CABP4: variants seen among roughly 807,000 people sequenced by gnomAD.
CABP4 encodes calcium-binding protein 4.
Under a neutral mutation model 30.7 loss-of-function variants are expected in CABP4, and 30 were observed. That is an observed-to-expected ratio of 0.98 (90% CI 0.73 to 1.33). The LOEUF is 1.33. Ranked by LOEUF, CABP4 falls within the 40% of genes most tolerant of loss-of-function variation. The pLI is 0.00. For missense variants in CABP4, 424 were observed against 395.5 expected (o/e 1.07, Z -0.61); for synonymous variants, 161 against 159.2 (o/e 1.01, Z -0.08).
chr11:67,456,811 C>T (rs550919644), intron 3 of CABP4, among the ~76,000 whole-genome samples: 1 of 152,356 alleles, frequency 6.6e-6, no homozygotes, highest in South Asian at 2.1e-4. Flanking sequence ...GGCACCTTCT[C>T]TCTTTCTCTC....
chr11:67,457,715 C>A, intron 4 of CABP4, 33 bp downstream of exon 4: 1 of 1,520,612 alleles, frequency 6.6e-7, no homozygotes, highest in Non-Finnish European at 8.9e-7. Flanking sequence ...CAGAGGGGGG[C>A]AGGGCTGGGT....
Position 67,458,834 on chromosome 11 carries a change from C to G in CABP4, c.*175C>G, listed in dbSNP as rs1265404246. 53 of 739,042 alleles carry G rather than the reference C, an allele frequency of 7.2e-5. No homozygotes were observed. Among genetic ancestry groups the G allele is most frequent in the Non-Finnish European group, 1.9e-5 (8 of 430,790 alleles). The allele number at this position is 739,042 out of a possible 1,614,324, so 45.8% of individuals were successfully genotyped here. A position where few individuals can be genotyped will look rare whatever the true frequency, so the allele number is the denominator to read the frequency against. Reference sequence around the variant, plus strand: ...TGGCTTGTTATGTTACCTGCCCACCCTCATCCTTACCTCCTCCTACTCAAG... The same window carrying G: ...TGGCTTGTTATGTTACCTGCCCACCGTCATCCTTACCTCCTCCTACTCAAG... On this transcript the variant is annotated 3_prime_UTR_variant, in exon 6 of 6. Coordinates refer to ENST00000325656, the MANE Select transcript of CABP4 (RefSeq NM_145200.5).
chr11:67,455,416 C>T lies in CABP4; in HGVS notation c.-8C>T, dbSNP rs752499425. ...TGTGGTGTCTCTGAGCCCTGTTATC[C>T]CTCCCCCATGACCACAGAGCAGGCA... is the stretch of plus-strand genomic sequence containing the variant. On this transcript the variant is annotated 5_prime_UTR_variant, in exon 1 of 6. Transcript: ENST00000325656. 4 of 1,604,068 alleles carry T rather than the reference C, an allele frequency of 2.5e-6. No homozygotes were observed. In the East Asian group the frequency reaches 6.7e-5, roughly 27 times the overall value.
chr11:67,455,986 T>G (rs536403144), intron 1 of CABP4, 197 bp downstream of exon 1: 5 of 1,185,350 alleles, frequency 4.2e-6, no homozygotes, highest in Middle Eastern at 2.8e-4. Flanking sequence ...GAGCCAGAAT[T>G]CACACCAGGG....
In CABP4 at chr11:67,459,074, A is replaced by G. The variant is rs1366507080; in HGVS notation, c.*415A>G. On this transcript the variant is annotated 3_prime_UTR_variant, in exon 6 of 6. Coordinates refer to ENST00000325656, the MANE Select transcript of CABP4 (RefSeq NM_145200.5). ...TTTTTAATGAACTTGAGCCGGGTGC[A>G]GTGGCTCACACCTGTAAGCCCAGCT... 4.0e-6 allele frequency: 1 copy of G among 250,574 alleles called. No homozygotes were observed. The highest frequency in any genetic ancestry group is 7.9e-6 in the Non-Finnish European group (1 of 126,486). 15.5% of individuals were successfully genotyped at this position (250,574 alleles called of 1,614,324 possible). A position where few individuals can be genotyped will look rare whatever the true frequency, so the allele number is the denominator to read the frequency against.
Position 67,455,559 on chromosome 11 carries a change from AGG to A in CABP4, c.140_141del (p.Gly47AlafsTer25). The A allele has an allele frequency of 1.2e-6, 2 of 1,602,506 alleles. No homozygotes were observed. The highest frequency in any genetic ancestry group is 1.7e-6 in the Non-Finnish European group (2 of 1,175,882). On this transcript the variant is annotated frameshift_variant, in exon 1 of 6. Coordinates refer to ENST00000325656, the MANE Select transcript of CABP4 (RefSeq NM_145200.5). LOFTEE classifies it high-confidence loss of function. ...PLTRKRSKKERGLRGSRKRTG... is the reference protein window; with the variant it reads ...PLTRKRSKKEXGLRGSRKRTG... ...GACCAGGAAGAGGAGCAAGAAGGAG[AGG>A]GGGCTCCGAGGGTCTCGAAAGCGCA...
In CABP4 at chr11:67,458,801, C is replaced by T; in HGVS notation, c.*142C>T. On this transcript the variant is annotated 3_prime_UTR_variant, in exon 6 of 6. Coordinates refer to ENST00000325656, the MANE Select transcript of CABP4 (RefSeq NM_145200.5). The stretch of plus-strand genomic sequence containing the variant: ...ACTTCTATCCCTGAAAACACCTGGC[C>T]TCAATGTTGGCTTGTTATGTTACCT... The T allele has an allele frequency of 9.9e-7, 1 of 1,010,074 alleles. No individual in the cohort carries two copies. The highest frequency in any genetic ancestry group is 1.5e-6 in the Non-Finnish European group (1 of 664,006). The allele number at this position is 1,010,074 out of a possible 1,614,324, so 62.6% of individuals were successfully genotyped here.
At chr11:67,452,451 G>A (rs777354030), upstream of CABP4, 34 of 1,612,148 alleles carry the variant, frequency 2.1e-5, no homozygotes, top group South Asian at 6.6e-5. Flanking sequence ...CCCCCATGCC[G>A]GATCTCTAGG....
chr11:67,458,110 T>C (rs1224051524), intron 4 of CABP4, among the ~76,000 whole-genome samples: 1 of 151,938 alleles, frequency 6.6e-6, no homozygotes, highest in Admixed American at 6.6e-5. Flanking sequence ...AATACAAAAA[T>C]TAGCCAAGGG....
chr11:67,454,924 C>T (rs954206604), upstream of CABP4, among the ~76,000 whole-genome samples: 3 of 152,208 alleles, frequency 2.0e-5, no homozygotes, highest in Non-Finnish European at 4.4e-5. Context: ...GGGGGGGCCC[C>T]AGTAGGCCAC....
chr11:67,456,288 C>T lies in CABP4; in HGVS notation c.398-11C>T, dbSNP rs953491882. ...GCCTGGCCACCTGGGCTTGACCTCC[C>T]TCCTCCACAGAGCTTCAGGCCGCCT... On this transcript the variant is annotated splice_polypyrimidine_tract_variant and intron_variant, in intron 2 of 5. Coordinates refer to ENST00000325656, the MANE Select transcript of CABP4 (RefSeq NM_145200.5). 9.3e-6 allele frequency: 15 copies of T among 1,613,828 alleles called. No individual in the cohort carries two copies. Among genetic ancestry groups the T allele is most frequent in the Non-Finnish European group, 1.3e-5 (15 of 1,179,998 alleles).
chr11:67,456,450 A>C lies in CABP4; in HGVS notation c.541+8A>C, dbSNP rs1638565. 703,569 of 1,607,472 alleles carry C rather than the reference A, an allele frequency of 0.44. 162,284 individuals are homozygous for C. Among genetic ancestry groups the C allele is most frequent in the African/African-American group, 0.81 (60,815 of 74,766 alleles). On this transcript the variant is annotated splice_region_variant and intron_variant, in intron 3 of 5. Transcript: ENST00000325656. ...AGCACATCAAGATGCGCAGTCAGTC[A>C]GGGAGCCCGCCCGCCCGGGCAGCCT...
upstream of CABP4, chr11:67,453,143 AC>A (rs1411711819): frequency 6.0e-6 from 1 of 166,058 alleles, no homozygotes; most frequent in Non-Finnish European, 1.3e-5. Context: ...AGTAGCTGGG[AC>A]TACAGGTGTG....
chr11:67,456,486 G>A (rs1225466186), intron 3 of CABP4, 44 bp downstream of exon 3: 2 of 1,600,282 alleles, frequency 1.2e-6, no homozygotes, highest in East Asian at 4.5e-5. Context: ...GCGTAGTTCA[G>A]GGGGTCACGA....
Position 67,456,384 on chromosome 11 carries a change from G to A in CABP4, c.483G>A (p.Leu161=). ...AGCTGGGTGACTGCATGCGGACCCT[G>A]GGCTACATGCCCACCGAGATGGAGC... The part of the protein sequence containing the change: ...HRELGDCMRT[L]GYMPTEMELL... Residue 161 remains leucine (L), a synonymous_variant, in exon 3 of 6, where the codon CTG becomes CTA. Coordinates refer to ENST00000325656, the MANE Select transcript of CABP4 (RefSeq NM_145200.5). 1 of 1,609,826 alleles carries A rather than the reference G, an allele frequency of 6.2e-7. No homozygotes were observed. The highest frequency in any genetic ancestry group is 1.1e-5 in the South Asian group (1 of 90,874).
chr11:67,456,252 G>C, intron 2 of CABP4, 34 bp downstream of exon 2: 4 of 1,613,494 alleles, frequency 2.5e-6, no homozygotes, highest in Non-Finnish European at 3.4e-6. Context: ...GGGGGTGGGA[G>C]CTGTCCCTGA....
At position 67,460,516 on chromosome 11, in the gene CABP4, T is replaced by TAC. The variant is rs35146220; in HGVS notation, c.*1883_*1884dup. ...AAAAAAATAAAGTATATTTTATATA[T>TAC]ACACACACACACACACACACACACA... On this transcript the variant is annotated 3_prime_UTR_variant, in exon 6 of 6. Transcript: ENST00000325656. Among the ~76,000 whole-genome samples, 37,828 of 149,274 alleles carry TAC rather than the reference T, an allele frequency of 0.25. 5,243 individuals are homozygous for TAC. The highest frequency in any genetic ancestry group is 0.33 in the Non-Finnish European group (22,230 of 67,132).
intron 4 of CABP4, among the ~76,000 whole-genome samples, chr11:67,457,976 T>C (rs960694795): frequency 1.3e-5 from 2 of 152,144 alleles, no homozygotes; most frequent in Non-Finnish European, 2.9e-5. Context: ...TGGAACTGGC[T>C]GGCCAGGCGC....
upstream of CABP4, chr11:67,453,498 A>C (rs1215020061): frequency 1.3e-5 from 2 of 152,210 alleles, no homozygotes; most frequent in African/African-American, 2.4e-5. Flanking sequence ...AACATGGAGA[A>C]ACCCCATCTC....
Sources: allele counts gnomAD v4.1 joint callset (sites outside exome capture counted in the v4.1 genomes callset), GRCh38; gene constraint gnomAD v4.1.1; transcripts MANE v1.5; gene names NCBI Gene and HGNC (gene_info 2026-07-23, HGNC 2026-07-21).